The following PRH1 variants were observed in gnomAD, a reference collection of about 807,000 sequenced individuals.
PRH1 encodes the protein proline rich protein HaeIII subfamily 1.
A neutral mutation model predicts 7.9 loss-of-function variants in PRH1; 7 were observed. That is an observed-to-expected ratio of 0.89 (90% CI 0.50 to 1.67). PRH1 has a LOEUF of 1.67. PRH1 is among the 40% of genes most tolerant of loss of function. The pLI is 0.00. For synonymous variants in PRH1, 45 were observed against 80.8 expected, an observed-to-expected ratio of 0.56 and a Z score of 2.38; for missense variants, 109 against 223.6, an observed-to-expected ratio of 0.49 and a Z score of 3.27.
chr12:10,889,846 ATC>A (rs1283805943), intron 2 of PRH1, among the ~76,000 whole-genome samples: 1 of 152,104 alleles, frequency 6.6e-6, no homozygotes, highest in Non-Finnish European at 1.5e-5. Context: ...TTTCTAAAAT[ATC>A]TGTTTTCTTA....
chr12:10,944,703 G>C (rs1222343231), intron 2 of PRH1, among the ~76,000 whole-genome samples: 1 of 152,120 alleles, frequency 6.6e-6, no homozygotes, highest in Non-Finnish European at 1.5e-5. Context: ...GTTTATCATA[G>C]ATGGCTCTTA....
chr12:11,016,336 C>G (rs1261038600), intron 1 of PRH1, among the ~76,000 whole-genome samples: 1 of 152,188 alleles, frequency 6.6e-6, no homozygotes, highest in Non-Finnish European at 1.5e-5. Context: ...GGAATAAATT[C>G]ATTACTTTTG....
chr12:10,929,450 G>A, intron 2 of PRH1: 4 of 1,303,848 alleles, frequency 3.1e-6, no homozygotes, highest in Non-Finnish European at 4.3e-6. Flanking sequence ...TAGGACTGAA[G>A]AGTTCTCATG....
At chr12:11,156,822 A>G (rs1015036479) in intron 1 of PRH1, among the ~76,000 whole-genome samples, 6 of 149,554 alleles carry the variant, frequency 4.0e-5, no homozygotes, top group African/African-American at 1.2e-4. Context: ...TTTTACCCAC[A>G]CTTTGGTCAA....
At chr12:11,031,132 T>G (rs763447755) in intron 1 of PRH1, 3 of 1,614,256 alleles carry the variant, frequency 1.9e-6, no homozygotes, top group Non-Finnish European at 2.5e-6. Flanking sequence ...TAAACACAGT[T>G]GAATACCAAT....
chr12:10,897,644 A>T (rs1245531122), intron 2 of PRH1, among the ~76,000 whole-genome samples: 1 of 152,210 alleles, frequency 6.6e-6, no homozygotes, highest in African/African-American at 2.4e-5. Flanking sequence ...GAAATGTATA[A>T]AGATGGCGGA....
At chr12:10,898,905 G>C (rs192369588) in intron 2 of PRH1, among the ~76,000 whole-genome samples, 1 of 152,198 alleles carries the variant, frequency 6.6e-6, no homozygotes, top group Non-Finnish European at 1.5e-5. Context: ...TGACTGTTGC[G>C]GAGATGAGAG....
chr12:11,035,484 G>T (rs572859896), intron 1 of PRH1, among the ~76,000 whole-genome samples: 1 of 152,206 alleles, frequency 6.6e-6, no homozygotes, highest in African/African-American at 2.4e-5. Flanking sequence ...TTTAGAAGTA[G>T]AAATGAACTT....
chr12:11,150,094 G>A (rs1429499244), intron 1 of PRH1, among the ~76,000 whole-genome samples: 2 of 150,866 alleles, frequency 1.3e-5, no homozygotes, highest in South Asian at 2.1e-4. Flanking sequence ...GGCCATCAGA[G>A]AAATGCAAAT....
Position 10,900,308 on chromosome 12 carries a change from C to T in PRH1, c.-58-16033G>A, listed in dbSNP as rs116750385. Among the ~76,000 whole-genome samples, 727 of 152,290 alleles carry T rather than the reference C, an allele frequency of 4.8e-3. 7 individuals are homozygous for T. The highest frequency in any genetic ancestry group is 0.017 in the African/African-American group (696 of 41,556). On this transcript the variant is annotated intron_variant, in intron 2 of 3. Coordinates refer to the PRH1 transcript ENST00000539853. ...GATAACTTGGAGAAAGGCTTAGAGA[C>T]ATTGTAAGGGAAAGACACTGGGAAA...
chr12:11,114,878 A>T (rs1411965316), intron 1 of PRH1, among the ~76,000 whole-genome samples: 1 of 152,158 alleles, frequency 6.6e-6, no homozygotes, highest in Admixed American at 6.6e-5. Flanking sequence ...GGTAATCTCA[A>T]ACCAAAAAGC....
intron 1 of PRH1, among the ~76,000 whole-genome samples, chr12:11,136,952 T>C (rs1946575614): frequency 2.6e-5 from 4 of 152,188 alleles, no homozygotes; most frequent in Non-Finnish European, 5.9e-5. Flanking sequence ...ATGAAAATGG[T>C]CACAATTTTC....
rs769512721 is a variant in PRH1, at chr12:11,061,979, A to T, written n.124-14791T>A. The T allele has an allele frequency of 7.4e-6, 12 of 1,613,982 alleles. No individual in the cohort carries two copies. The East Asian group carries it at 2.7e-4, about 36-fold the overall frequency. On this transcript the variant is annotated intron_variant and non_coding_transcript_variant, in intron 1 of 4. Coordinates refer to the PRH1 transcript ENST00000541977. ...GAGAAATTGGCAATCTTGAGCAAAT[A>T]AAATATGCTGAGGCTAGTAGCAAGC...
chr12:10,931,083 A>G, intron 2 of PRH1: 2 of 1,563,944 alleles, frequency 1.3e-6, no homozygotes, highest in Non-Finnish European at 1.7e-6. Flanking sequence ...AATGATAGGT[A>G]TGATTCCAGT....
At chr12:10,909,607 C>T (rs1949865653) in intron 2 of PRH1, 2 of 327,716 alleles carry the variant, frequency 6.1e-6, no homozygotes, top group Non-Finnish European at 1.1e-5. Flanking sequence ...CTCACATTTG[C>T]AACCATGCAA....
intron 2 of PRH1, among the ~76,000 whole-genome samples, chr12:10,962,808 C>T (rs1044190571): frequency 1.1e-4 from 17 of 152,290 alleles, no homozygotes; most frequent in Admixed American, 9.2e-4. Flanking sequence ...CTCGCTCTGT[C>T]GCCCAGGCTG....
chr12:11,159,249 T>C (rs951128875), intron 1 of PRH1: 10 of 151,564 alleles, frequency 6.6e-5, no homozygotes, highest in East Asian at 3.9e-4. Flanking sequence ...ACTAATGGCA[T>C]TGGACATAAA....
At chr12:10,930,164 G>A in intron 2 of PRH1, 2 of 1,313,210 alleles carry the variant, frequency 1.5e-6, no homozygotes, top group Non-Finnish European at 2.2e-6. Context: ...GATCTCAAAG[G>A]GGATGCACAG....
intron 1 of PRH1, among the ~76,000 whole-genome samples, chr12:11,145,317 T>A (rs1056797576): frequency 6.6e-6 from 1 of 152,156 alleles, no homozygotes; most frequent in Admixed American, 6.5e-5. Context: ...CTCAGCCTCC[T>A]GAGTGTCTGG....
Sources: gnomAD v4.1 joint callset for allele counts (sites outside exome capture counted in the v4.1 genomes callset) on GRCh38, gnomAD v4.1.1 for gene constraint, MANE v1.5 for transcripts, NCBI Gene and HGNC (gene_info 2026-07-23, HGNC 2026-07-21) for gene names.